FGF13: variants seen among roughly 807,000 people sequenced by gnomAD.
The protein encoded by FGF13 is fibroblast growth factor homologous factor 2.
A neutral mutation model predicts 19.5 loss-of-function variants in FGF13; 2 were observed. That is an observed-to-expected ratio of 0.10 (90% CI 0.04 to 0.32). FGF13 has a LOEUF of 0.32. Among genes scored for constraint, FGF13 ranks in the 10% least tolerant of loss-of-function variants. FGF13 has a pLI of 1.00. For missense variants in FGF13, 113 were observed against 192.7 expected, an observed-to-expected ratio of 0.59 and a Z score of 2.45; for synonymous variants, 72 against 76.9, an observed-to-expected ratio of 0.94 and a Z score of 0.33.
intron 3 of FGF13, among the ~76,000 whole-genome samples, chrX:138,669,076 GAGAC>G (rs1242210246): frequency 9.0e-6 from 1 of 110,828 alleles, no homozygotes; most frequent in Non-Finnish European, 1.9e-5. Flanking sequence ...TCAAAGGAAA[GAGAC>G]AGTCTGAAAG....
At chrX:138,667,806 C>T (rs981091281) in intron 3 of FGF13, 3 of 331,338 alleles carry the variant, frequency 9.1e-6, no homozygotes, top group Admixed American at 5.7e-5. Flanking sequence ...ATTCAACATT[C>T]CACTCCATAT....
intron 1 of FGF13, among the ~76,000 whole-genome samples, chrX:138,989,708 A>C (rs1440182555): frequency 9.1e-6 from 1 of 110,207 alleles, no homozygotes; most frequent in Non-Finnish European, 1.9e-5. Context: ...TAATTATATA[A>C]CACGATAATG....
chrX:139,044,217 T>C lies in FGF13; in HGVS notation c.-113+159199A>G, dbSNP rs188014459. Among the ~76,000 whole-genome samples the C allele has an allele frequency of 2.8e-3, 317 of 111,879 alleles. 3 individuals carry two copies. Among genetic ancestry groups the C allele is most frequent in the African/African-American group, 0.01 (307 of 30,638 alleles). ...CTGGGTAATTTACAAAGAAAACAGGTTTAACTGGCTCACAGTTCTACAGGT... is the reference window on the plus strand; with the variant it reads ...CTGGGTAATTTACAAAGAAAACAGGCTTAACTGGCTCACAGTTCTACAGGT... On this transcript the variant is annotated intron_variant, in intron 1 of 2. Transcript: ENST00000421460.
intron 1 of FGF13, among the ~76,000 whole-genome samples, chrX:139,183,930 C>T (rs1451783545): frequency 9.0e-6 from 1 of 111,490 alleles, no homozygotes; most frequent in Non-Finnish European, 1.9e-5. Flanking sequence ...TGCAGGTCCT[C>T]TGGAGAGGCT....
chrX:139,113,018 G>GTT (rs1429505266), intron 1 of FGF13, among the ~76,000 whole-genome samples: 1 of 95,807 alleles, frequency 1.0e-5, no homozygotes, highest in African/African-American at 4.1e-5. Context: ...GTGTGTGTGT[G>GTT]TTTTCATTTA....
intron 1 of FGF13, among the ~76,000 whole-genome samples, chrX:139,031,727 C>A (rs1002077316): frequency 3.9e-4 from 40 of 103,689 alleles, no homozygotes; most frequent in South Asian, 3.0e-3. Flanking sequence ...AAAAAAAAAA[C>A]CAAACAAACA....
chrX:138,934,408 G>A (rs1473976682), intron 1 of FGF13, among the ~76,000 whole-genome samples: 1 of 112,109 alleles, frequency 8.9e-6, no homozygotes, highest in East Asian at 2.8e-4. Flanking sequence ...AAAAGTGCTT[G>A]GTTTGGCCAT....
At chrX:138,940,886 T>A (rs1478432791) in intron 1 of FGF13, among the ~76,000 whole-genome samples, 1 of 111,654 alleles carries the variant, frequency 9.0e-6, no homozygotes, top group African/African-American at 3.3e-5. Flanking sequence ...TCCTTTTTGC[T>A]CAGGATTGCC....
At chrX:139,186,870 G>A (rs1355359530) in intron 1 of FGF13, among the ~76,000 whole-genome samples, 2 of 111,604 alleles carry the variant, frequency 1.8e-5, no homozygotes, top group Non-Finnish European at 3.8e-5. Context: ...GATCCCAGCC[G>A]ATCTCTCTCC....
At chrX:139,151,380 C>A (rs5976286) in intron 1 of FGF13, among the ~76,000 whole-genome samples, 11,024 of 111,282 alleles carry the variant, frequency 0.099, 1,068 homozygotes, top group African/African-American at 0.3. Context: ...GCTGCCTTGT[C>A]AATGTGGTTT....
chrX:139,001,423 T>C (rs2092072837), intron 1 of FGF13, among the ~76,000 whole-genome samples: 1 of 111,343 alleles, frequency 9.0e-6, no homozygotes, highest in African/African-American at 3.3e-5. Context: ...GAGAAAATTT[T>C]TGCAATCTGT....
intron 3 of FGF13, among the ~76,000 whole-genome samples, chrX:138,688,967 T>C: frequency 9.0e-6 from 1 of 111,448 alleles, no homozygotes; most frequent in Non-Finnish European, 1.9e-5. Context: ...CATCATGTAA[T>C]TTCCACTACT....
intron 3 of FGF13, among the ~76,000 whole-genome samples, chrX:138,796,955 G>C (rs986989571): frequency 5.4e-5 from 6 of 111,540 alleles, no homozygotes; most frequent in African/African-American, 1.6e-4. Context: ...CTGGATATTA[G>C]ACCTTTGCCA....
At chrX:139,103,081 G>T (rs1405537955) in intron 1 of FGF13, among the ~76,000 whole-genome samples, 1 of 111,952 alleles carries the variant, frequency 8.9e-6, no homozygotes, top group Non-Finnish European at 1.9e-5. Context: ...TCCATGCCTT[G>T]CACTTTCCCA....
chrX:138,825,778 G>A (rs1185252306), intron 3 of FGF13, among the ~76,000 whole-genome samples: 1 of 112,019 alleles, frequency 8.9e-6, no homozygotes, highest in African/African-American at 3.2e-5. Context: ...CTCACTCTTA[G>A]CTCATGAAGA....
At chrX:138,843,741 T>TC (rs1395620526) in intron 3 of FGF13, among the ~76,000 whole-genome samples, 3 of 111,836 alleles carry the variant, frequency 2.7e-5, no homozygotes, top group African/African-American at 9.7e-5. Flanking sequence ...AGAATTTTTT[T>TC]CCCAAACACT....
intron 1 of FGF13, among the ~76,000 whole-genome samples, chrX:139,191,582 G>A (rs145280685): frequency 1.3e-4 from 14 of 111,558 alleles, no homozygotes; most frequent in Middle Eastern, 4.7e-3. Flanking sequence ...AGCAGTAATA[G>A]GTCAATGCAC....
chrX:138,934,770 C>T (rs1012632963), intron 1 of FGF13, among the ~76,000 whole-genome samples: 10 of 112,175 alleles, frequency 8.9e-5, no homozygotes, highest in African/African-American at 1.9e-4. Context: ...TACAAATGTA[C>T]CCAGCATTTT....
chrX:138,855,601 T>A (rs757867956), downstream of FGF13, among the ~76,000 whole-genome samples: 7 of 111,548 alleles, frequency 6.3e-5, no homozygotes, highest in Non-Finnish European at 1.3e-4. Flanking sequence ...GGCAGCCCCA[T>A]TAAACACAAT....
Sources: allele counts gnomAD v4.1 joint callset (sites outside exome capture counted in the v4.1 genomes callset), GRCh38; gene constraint gnomAD v4.1.1; transcripts MANE v1.5; gene names NCBI Gene and HGNC (gene_info 2026-07-23, HGNC 2026-07-21).